CNTN6: variants seen among roughly 807,000 people sequenced by gnomAD.
The protein encoded by CNTN6 is contactin 6, also known as contactin-6.
CNTN6 carries 137 observed loss-of-function variants against 122.8 expected under a neutral mutation model. The ratio of observed to expected loss-of-function variants is 1.12; its 90% CI spans 0.97 to 1.29. The LOEUF is 1.29. Among genes scored for constraint, CNTN6 ranks in the 50% most tolerant of loss-of-function variants. The probability of loss-of-function intolerance (pLI) is 0.00; values close to 1 mark genes in which losing one functional copy is unlikely to be tolerated. For synonymous variants in CNTN6, 570 were observed against 426.0 expected (o/e 1.34, Z -4.16); for missense variants, 1,634 against 1,223.4 (o/e 1.34, Z -5.01).
chr3:1,281,767 T>A (rs898491474), intron 5 of CNTN6, among the ~76,000 whole-genome samples: 1 of 152,232 alleles, frequency 6.6e-6, no homozygotes. Flanking sequence ...AAATTTTTGA[T>A]AACTTAGTTC....
chr3:1,168,159 C>T (rs1306341880), intron 2 of CNTN6, among the ~76,000 whole-genome samples: 2 of 151,914 alleles, frequency 1.3e-5, no homozygotes, highest in Admixed American at 6.6e-5. Context: ...CTGCCCACCT[C>T]GGCCTCCCAA....
chr3:1,318,124 GAGAA>G (rs1470647927), intron 7 of CNTN6, among the ~76,000 whole-genome samples: 5 of 151,096 alleles, frequency 3.3e-5, no homozygotes, highest in African/African-American at 7.3e-5. Flanking sequence ...AAAGAAGAGA[GAGAA>G]AGAAAGAAAA....
chr3:1,202,796 G>C (rs2093904465), intron 2 of CNTN6, among the ~76,000 whole-genome samples: 1 of 152,092 alleles, frequency 6.6e-6, no homozygotes, highest in Admixed American at 6.5e-5. Flanking sequence ...TATTGAGTAT[G>C]AGTCTGAAAA....
chr3:1,371,014 C>T (rs554610685), intron 12 of CNTN6, among the ~76,000 whole-genome samples: 5 of 152,078 alleles, frequency 3.3e-5, no homozygotes, highest in African/African-American at 1.2e-4. Context: ...TTTCATGGCT[C>T]TTTTGTCAGT....
At chr3:1,320,783 A>G in intron 7 of CNTN6, among the ~76,000 whole-genome samples, 1 of 151,638 alleles carries the variant, frequency 6.6e-6, no homozygotes. Flanking sequence ...TTCTTATTTT[A>G]TGCCTTCTAA....
At chr3:1,311,767 T>C (rs947956016) in intron 7 of CNTN6, among the ~76,000 whole-genome samples, 2 of 151,806 alleles carry the variant, frequency 1.3e-5, no homozygotes, top group Non-Finnish European at 2.9e-5. Context: ...ATTAGTATAA[T>C]ACACTGCATA....
At chr3:1,317,076 A>G (rs543408032) in intron 7 of CNTN6, among the ~76,000 whole-genome samples, 6 of 152,116 alleles carry the variant, frequency 3.9e-5, no homozygotes, top group Non-Finnish European at 7.4e-5. Flanking sequence ...ACTGAGCTGA[A>G]AAAAATCTCA....
intron 7 of CNTN6, among the ~76,000 whole-genome samples, chr3:1,300,543 AAGAAAG>A (rs1697107501): frequency 7.7e-6 from 1 of 129,948 alleles, no homozygotes; most frequent in South Asian, 3.1e-4. Flanking sequence ...AAGAGAGAGA[AAGAAAG>A]AGAAAGAAAA....
At chr3:1,153,691 T>C (rs1255716661) in intron 2 of CNTN6, among the ~76,000 whole-genome samples, 1 of 152,230 alleles carries the variant, frequency 6.6e-6, no homozygotes, top group Non-Finnish European at 1.5e-5. Flanking sequence ...AATTTCACTC[T>C]ATTTCAAACA....
At chr3:1,362,017 A>C (rs1172208888) in intron 12 of CNTN6, among the ~76,000 whole-genome samples, 3 of 152,170 alleles carry the variant, frequency 2.0e-5, no homozygotes, top group African/African-American at 7.2e-5. Flanking sequence ...AGAATAAACC[A>C]AATAGAATGA....
At chr3:1,149,540 C>T (rs371230151) in intron 2 of CNTN6, among the ~76,000 whole-genome samples, 172 of 152,166 alleles carry the variant, frequency 1.1e-3, no homozygotes, top group African/African-American at 4.1e-3. Flanking sequence ...AATCAGAAAA[C>T]CATACAAATA....
At chr3:1,250,451 G>A (rs562948338) in intron 4 of CNTN6, among the ~76,000 whole-genome samples, 1 of 152,162 alleles carries the variant, frequency 6.6e-6, no homozygotes, top group African/African-American at 2.4e-5. Flanking sequence ...CGTTTTCACA[G>A]CTGGAGTGAA....
At chr3:1,190,108 G>A (rs977928203) in intron 2 of CNTN6, among the ~76,000 whole-genome samples, 5 of 152,212 alleles carry the variant, frequency 3.3e-5, no homozygotes, top group East Asian at 1.9e-4. Context: ...ATTTGCAGAC[G>A]GCAGCCTTCT....
At chr3:1,202,307 G>A (rs529835581) in intron 2 of CNTN6, among the ~76,000 whole-genome samples, 16 of 152,320 alleles carry the variant, frequency 1.1e-4, no homozygotes, top group Admixed American at 2.6e-4. Context: ...TCGGAAGGCC[G>A]AGGCGGGCGG....
At chr3:1,281,127 TGCTACAAGTCGCACTCACAC>T (rs998620682) in intron 5 of CNTN6, among the ~76,000 whole-genome samples, 3 of 152,248 alleles carry the variant, frequency 2.0e-5, no homozygotes, top group Admixed American at 6.5e-5. Flanking sequence ...TCTCTCATCC[TGCTACAAGTCGCACTCACAC>T]TCAGATGAAG....
At chr3:1,313,920 G>A (rs535100865) in intron 7 of CNTN6, among the ~76,000 whole-genome samples, 4 of 151,914 alleles carry the variant, frequency 2.6e-5, no homozygotes, top group Admixed American at 1.3e-4. Context: ...AGCTCCCTCC[G>A]ATCTATTTTA....
At chr3:1,373,447 G>C (rs533541763) in intron 14 of CNTN6, among the ~76,000 whole-genome samples, 157 bp from the exon 15 acceptor site, 1 of 152,064 alleles carries the variant, frequency 6.6e-6, no homozygotes. Flanking sequence ...ACCATGTAAA[G>C]GGAATTAATA....
Position 1,374,004 on chromosome 3 carries a change from GT to G in CNTN6, c.2028del (p.Ala677ProfsTer17). On this transcript the variant is annotated frameshift_variant, in exon 16 of 23. Transcript: ENST00000446702. LOFTEE classifies it high-confidence loss of function. ...TTGGGTGGAATATGAATTTCGTGTTGTTGCCGGCAACAGCATTGGGATTGGA... is the reference window on the plus strand; with the variant it reads ...TTGGGTGGAATATGAATTTCGTGTTGTGCCGGCAACAGCATTGGGATTGGA... ...SPWVEYEFRV[V>X]AGNSIGIGEP... The G allele has an allele frequency of 6.2e-7, 1 of 1,613,260 alleles. No individual in the cohort carries two copies. The highest frequency in any genetic ancestry group is 1.1e-5 in the South Asian group (1 of 91,056).
intron 1 of CNTN6, among the ~76,000 whole-genome samples, chr3:1,125,119 A>G (rs1486709683): frequency 1.3e-5 from 2 of 152,022 alleles, no homozygotes; most frequent in Non-Finnish European, 2.9e-5. Flanking sequence ...TTAATGTTTT[A>G]TGTGTGTACA....
Sources: allele counts gnomAD v4.1 joint callset (sites outside exome capture counted in the v4.1 genomes callset), GRCh38; gene constraint gnomAD v4.1.1; transcripts MANE v1.5; gene names NCBI Gene and HGNC (gene_info 2026-07-23, HGNC 2026-07-21).